CREM: variants seen among roughly 807,000 people sequenced by gnomAD.
CREM encodes cAMP-responsive element modulator.
CREM carries 13 observed loss-of-function variants against 37.3 expected under a neutral mutation model. That is an observed-to-expected ratio of 0.35 (90% CI 0.23 to 0.55). The LOEUF (loss-of-function observed/expected upper bound fraction) is 0.55. CREM is among the 20% of genes least tolerant of loss of function. The probability of loss-of-function intolerance (pLI) is 0.88; values close to 1 mark genes in which losing one functional copy is unlikely to be tolerated. For missense variants in CREM, 296 were observed against 362.3 expected (o/e 0.82, Z 1.49); for synonymous variants, 124 against 120.2 (o/e 1.03, Z -0.21).
intron 3 of CREM, among the ~76,000 whole-genome samples, chr10:35,150,636 A>G (rs927883091): frequency 1.3e-5 from 2 of 152,122 alleles, no homozygotes; most frequent in Non-Finnish European, 2.9e-5. Flanking sequence ...AGCCTGGCCA[A>G]CATGAAGAAA....
chr10:35,196,865 C>CTTT (rs58503822), intron 6 of CREM, among the ~76,000 whole-genome samples: 2,267 of 108,808 alleles, frequency 0.021, 210 homozygotes, highest in African/African-American at 0.075. Flanking sequence ...ACGCTGTGTA[C>CTTT]TTTTTTTTTT....
Position 35,211,272 on chromosome 10 carries a change from T to C in CREM, c.774T>C (p.Cys258=), listed in dbSNP as rs188758054. Residue 258 remains cysteine (C), a synonymous_variant, in exon 8 of 8, where the codon TGT becomes TGC. Coordinates refer to ENST00000685392, the MANE Select transcript of CREM (RefSeq NM_183011.2). The part of the protein sequence containing the change: ...LMKNREAARE[C]RRKKKEYVKC... The stretch of plus-strand genomic sequence containing the variant: ...CTTCCAGGGAAGCTGCCCGGGAGTG[T>C]CGCAGGAAGAAGAAAGAATATGTCA... 3.1e-6 allele frequency: 5 copies of C among 1,613,922 alleles called. No homozygotes were observed. The highest frequency in any genetic ancestry group is 2.2e-5 in the East Asian group (1 of 44,888).
intron 3 of CREM, among the ~76,000 whole-genome samples, chr10:35,158,812 G>GTTTTTGT (rs1564838652): frequency 6.1e-5 from 4 of 65,212 alleles, no homozygotes; most frequent in African/African-American, 1.9e-4. Context: ...TTTTTTTGTT[G>GTTTTTGT]TTTTGTTTGT....
intron 6 of CREM, among the ~76,000 whole-genome samples, chr10:35,197,682 C>T (rs2095250038): frequency 1.3e-5 from 2 of 152,098 alleles, no homozygotes; most frequent in African/African-American, 2.4e-5. Flanking sequence ...TGGTCTCGAT[C>T]TCCTGACCTC....
intron 6 of CREM, chr10:35,201,415 G>C: frequency 6.4e-7 from 1 of 1,550,680 alleles, no homozygotes; most frequent in Non-Finnish European, 8.7e-7. Context: ...GGTTTATTGT[G>C]AGTATTAAAT....
At chr10:35,160,262 G>A (rs534979932) in intron 3 of CREM, among the ~76,000 whole-genome samples, 6 of 152,206 alleles carry the variant, frequency 3.9e-5, no homozygotes, top group South Asian at 2.1e-4. Context: ...GTAAAAATAC[G>A]GTATCAAAGA....
rs1276677316 is a variant in CREM at position 35,179,256 on chromosome 10, A to C, written c.389A>C (p.Gln130Pro). 6.2e-7 allele frequency: 1 copy of C among 1,614,164 alleles called. No individual in the cohort carries two copies. The highest frequency in any genetic ancestry group is 2.2e-5 in the East Asian group (1 of 44,868). The stretch of plus-strand genomic sequence containing the variant: ...ATGGCAGTACCAACTAGCATATATC[A>C]GACTAGCACGGGGCAATACAGTATG... ...ATMAVPTSIY[Q>P]TSTGQYIAIA... The change falls in exon 5 of 8, where the codon CAG becomes CCG. Residue 130 changes from glutamine to proline, a missense_variant. This residue lies in a region of CREM where 257 missense variants were observed against 280.2 expected (regional missense o/e 0.92). Transcript: ENST00000685392.
intron 6 of CREM, among the ~76,000 whole-genome samples, chr10:35,191,683 T>G (rs1394812629): frequency 6.6e-6 from 1 of 152,124 alleles, no homozygotes; most frequent in African/African-American, 2.4e-5. Context: ...TCCTTGCTCT[T>G]CTCTCTCTGC....
chr10:35,154,904 T>C (rs2092804423), intron 3 of CREM, among the ~76,000 whole-genome samples: 1 of 152,206 alleles, frequency 6.6e-6, no homozygotes, highest in African/African-American at 2.4e-5. Flanking sequence ...GAATTTGTTA[T>C]GTATCTGTAC....
At chr10:35,143,799 A>G (rs1270106870) in intron 2 of CREM, among the ~76,000 whole-genome samples, 1 of 152,138 alleles carries the variant, frequency 6.6e-6, no homozygotes, top group African/African-American at 2.4e-5. Context: ...GTGGGGAACA[A>G]AGCAGATGGC....
chr10:35,161,142 TTTAA>T lies in CREM; in HGVS notation c.168+12655_168+12658del, dbSNP rs200854127. Among the ~76,000 whole-genome samples, 454 of 152,244 alleles carry T rather than the reference TTTAA, an allele frequency of 3.0e-3. 10 individuals carry two copies. Among genetic ancestry groups the T allele is most frequent in the Admixed American group, 0.029 (441 of 15,290 alleles). The stretch of plus-strand genomic sequence containing the variant: ...ACATAATTGCATTGCTATGCTTTTA[TTTAA>T]TTATTTATGAGACAGGGTCTCACTC... On this transcript the variant is annotated intron_variant, in intron 3 of 7. Coordinates refer to ENST00000685392, the MANE Select transcript of CREM (RefSeq NM_183011.2).
intron 7 of CREM, among the ~76,000 whole-genome samples, chr10:35,207,461 TAAATAA>T (rs71933994): frequency 0.14 from 20,445 of 149,386 alleles, 1,569 homozygotes; most frequent in South Asian, 0.2. Flanking sequence ...ATAATATCAA[TAAATAA>T]AAATAAAAAT....
intron 3 of CREM, among the ~76,000 whole-genome samples, chr10:35,158,803 T>A (rs1240248010): frequency 1.5e-5 from 2 of 129,042 alleles, no homozygotes; most frequent in East Asian, 2.2e-4. Flanking sequence ...ATAGTGTTTT[T>A]TTTTTGTTGT....
At chr10:35,170,328 C>T (rs1271937775) in intron 3 of CREM, among the ~76,000 whole-genome samples, 2 of 151,990 alleles carry the variant, frequency 1.3e-5, no homozygotes, top group Admixed American at 1.3e-4. Context: ...ATTTTTGCAT[C>T]GATGTTCATC....
chr10:35,145,407 T>C lies in CREM; in HGVS notation c.45-2961T>C, dbSNP rs191752175. Among the ~76,000 whole-genome samples, 33 of 152,284 alleles carry C rather than the reference T, an allele frequency of 2.2e-4. 1 individual carries two copies. The highest frequency in any genetic ancestry group is 1.9e-3 in the Admixed American group (29 of 15,286). On this transcript the variant is annotated intron_variant, in intron 2 of 7. Coordinates refer to ENST00000685392, the MANE Select transcript of CREM (RefSeq NM_183011.2). ...TACTCACCCTTCAATATACGACTCA[T>C]ATGACCACATTCTCTGGCAGACTTG...
chr10:35,158,756 T>C (rs910309731), intron 3 of CREM: 4 of 152,078 alleles, frequency 2.6e-5, no homozygotes, highest in African/African-American at 9.7e-5. Context: ...CTGTATATTA[T>C]ATAATAGGTC....
At chr10:35,159,766 A>C (rs2093171758) in intron 3 of CREM, among the ~76,000 whole-genome samples, 1 of 152,220 alleles carries the variant, frequency 6.6e-6, no homozygotes, top group Admixed American at 6.5e-5. Context: ...AACATTCCAC[A>C]GGGTGAAGAA....
intron 5 of CREM, 122 bp from the exon 6 acceptor site, chr10:35,188,078 A>G: frequency 2.1e-6 from 2 of 974,694 alleles, no homozygotes; most frequent in Non-Finnish European, 3.0e-6. Flanking sequence ...CAGCATAGAA[A>G]ATAAGGGTAA....
At chr10:35,164,139 T>C (rs933100808) in intron 3 of CREM, among the ~76,000 whole-genome samples, 3 of 152,242 alleles carry the variant, frequency 2.0e-5, no homozygotes, top group Non-Finnish European at 2.9e-5. Context: ...GTATTAAGAC[T>C]AATCATTTGA....
Sources: allele counts gnomAD v4.1 joint callset (sites outside exome capture counted in the v4.1 genomes callset), GRCh38; gene constraint gnomAD v4.1.1; regional missense constraint gnomAD v4.1.1; transcripts MANE v1.5; gene names NCBI Gene and HGNC (gene_info 2026-07-23, HGNC 2026-07-21).